ZC3H12B: variants seen among roughly 807,000 people sequenced by gnomAD.
The protein encoded by ZC3H12B is probable ribonuclease ZC3H12B.
Under a neutral mutation model 43.9 loss-of-function variants are expected in ZC3H12B, and 7 were observed. The ratio of observed to expected loss-of-function variants is 0.16; its 90% confidence interval spans 0.09 to 0.30. The LOEUF (loss-of-function observed/expected upper bound fraction) is 0.30, where lower values mean the gene tolerates loss of function less well. ZC3H12B is among the 10% of genes least tolerant of loss of function. The pLI is 1.00. For synonymous variants in ZC3H12B, 222 were observed against 241.7 expected (o/e 0.92, Z 0.76); for missense variants, 475 against 670.2 (o/e 0.71, Z 3.22).
chrX:65,115,174 C>A, the ZC3H12B span, among the ~76,000 whole-genome samples: 1 of 107,760 alleles, frequency 9.3e-6, no homozygotes, highest in Non-Finnish European at 1.9e-5. Context: ...TAAACTGTAC[C>A]CAATGTGTAG....
upstream of ZC3H12B, among the ~76,000 whole-genome samples, chrX:65,363,029 C>T (rs1256984120): frequency 9.0e-6 from 1 of 111,452 alleles, no homozygotes; most frequent in Non-Finnish European, 1.9e-5. Context: ...TTCACTTGGA[C>T]TGACCCTGAC....
the ZC3H12B span, among the ~76,000 whole-genome samples, chrX:65,136,174 T>C: frequency 3.9e-4 from 44 of 111,695 alleles, no homozygotes; most frequent in African/African-American, 1.3e-3. Flanking sequence ...GTTTTTAAAC[T>C]GGCCTTCACT....
At chrX:65,061,958 A>G in the ZC3H12B span, among the ~76,000 whole-genome samples, 2 of 112,549 alleles carry the variant, frequency 1.8e-5, no homozygotes, top group East Asian at 5.6e-4. Flanking sequence ...GGCTGCATAA[A>G]TGTCTTCTTT....
At chrX:65,236,928 C>G in the ZC3H12B span, among the ~76,000 whole-genome samples, 1 of 111,418 alleles carries the variant, frequency 9.0e-6, no homozygotes, top group East Asian at 2.8e-4. Flanking sequence ...GTACCAGTAC[C>G]ATGTTGTTTT....
the ZC3H12B span, among the ~76,000 whole-genome samples, chrX:65,140,151 G>A: frequency 9.0e-6 from 1 of 111,128 alleles, no homozygotes; most frequent in Non-Finnish European, 1.9e-5. Context: ...TTGACAGTAG[G>A]CATTCTTGTC....
chrX:65,076,178 G>T, the ZC3H12B span, among the ~76,000 whole-genome samples: 1 of 105,808 alleles, frequency 9.5e-6, no homozygotes, highest in Non-Finnish European at 1.9e-5. Flanking sequence ...TTTCTTCAAG[G>T]TCTTGCTCTA....
the ZC3H12B span, among the ~76,000 whole-genome samples, chrX:65,103,323 T>A: frequency 8.9e-6 from 1 of 112,053 alleles, no homozygotes; most frequent in African/African-American, 3.2e-5. Flanking sequence ...TATGGCTCTG[T>A]TCCGCCCGGC....
chrX:65,390,135 T>G (rs951645633), intron 2 of ZC3H12B, among the ~76,000 whole-genome samples: 3 of 111,172 alleles, frequency 2.7e-5, no homozygotes. Context: ...AAACCATCAT[T>G]TTGAGCAAAC....
At chrX:65,448,997 G>GAAA (rs1179244017) in intron 3 of ZC3H12B, among the ~76,000 whole-genome samples, 854 of 3,313 alleles carry the variant, frequency 0.26, 19 homozygotes, top group African/African-American at 0.49. Context: ...AAGAAAGAGA[G>GAAA]GAAAGAAAGA....
chrX:65,039,988 G>A, the ZC3H12B span, among the ~76,000 whole-genome samples: 1 of 111,333 alleles, frequency 9.0e-6, no homozygotes, highest in Non-Finnish European at 1.9e-5. Flanking sequence ...TTTCATTTTA[G>A]AATAAAGAGG....
At chrX:65,064,045 C>A in the ZC3H12B span, among the ~76,000 whole-genome samples, 2 of 111,548 alleles carry the variant, frequency 1.8e-5, no homozygotes, top group African/African-American at 6.5e-5. Context: ...ATTCTTCTTT[C>A]TTTTCTTCTT....
At chrX:65,036,686 G>A in the ZC3H12B span, among the ~76,000 whole-genome samples, 6 of 108,780 alleles carry the variant, frequency 5.5e-5, no homozygotes, top group Non-Finnish European at 1.1e-4. Context: ...CATGCTTCTA[G>A]TTGCTAGATT....
chrX:65,176,089 T>C, the ZC3H12B span, among the ~76,000 whole-genome samples: 1 of 111,983 alleles, frequency 8.9e-6, no homozygotes, highest in African/African-American at 3.2e-5. Context: ...CCAAGTGGTC[T>C]AGCTCAGCAG....
the ZC3H12B span, chrX:65,273,039 C>A: frequency 8.9e-6 from 1 of 112,181 alleles, no homozygotes; most frequent in African/African-American, 3.2e-5. Context: ...CTGGATAACA[C>A]TGGCTGACTG....
intron 2 of ZC3H12B, among the ~76,000 whole-genome samples, chrX:65,378,848 A>G (rs945371075): frequency 6.4e-4 from 72 of 112,504 alleles, no homozygotes; most frequent in Middle Eastern, 4.6e-3. Flanking sequence ...GTGGTGACAG[A>G]CGGCACCTGG....
chrX:65,188,545 A>G, the ZC3H12B span, among the ~76,000 whole-genome samples: 33 of 110,190 alleles, frequency 3.0e-4, no homozygotes, highest in Admixed American at 2.9e-3. Flanking sequence ...TACAGTTTGG[A>G]TTTGCATTTC....
At chrX:65,285,794 G>T in the ZC3H12B span, among the ~76,000 whole-genome samples, 2 of 110,898 alleles carry the variant, frequency 1.8e-5, no homozygotes, top group African/African-American at 3.3e-5. Flanking sequence ...AGCAAGAAAA[G>T]GAAGAACAAA....
chrX:65,501,949 T>C, exon 5 of ZC3H12B: 1 of 1,211,134 alleles, frequency 8.3e-7, no homozygotes, highest in Middle Eastern at 2.3e-4. Flanking sequence ...CAGGGATGTC[T>C]AGTGCCAAAG....
intron 3 of ZC3H12B, among the ~76,000 whole-genome samples, chrX:65,401,631 A>T (rs1182890019): frequency 8.9e-6 from 1 of 111,847 alleles, no homozygotes; most frequent in Non-Finnish European, 1.9e-5. Flanking sequence ...AAATCACCAC[A>T]TTTCTAACCC....
Sources: gnomAD v4.1 joint callset for allele counts (sites outside exome capture counted in the v4.1 genomes callset) on GRCh38, gnomAD v4.1.1 for gene constraint, MANE v1.5 for transcripts, NCBI Gene and HGNC (gene_info 2026-07-23, HGNC 2026-07-21) for gene names.